The following FNBP4 variants were observed in gnomAD, a reference collection of about 807,000 sequenced individuals.
FNBP4 encodes the protein formin binding protein 4.
In FNBP4, 34 loss-of-function variants were observed where a neutral mutation model predicts 119.3. That is an observed-to-expected ratio of 0.28 (90% CI 0.22 to 0.38). FNBP4 has a LOEUF of 0.38. FNBP4 is among the 10% of genes least tolerant of loss of function. FNBP4 has a pLI of 1.00. For synonymous variants in FNBP4, 462 were observed against 430.6 expected (o/e 1.07, Z -0.90); for missense variants, 1,112 against 1,228.9 (o/e 0.90, Z 1.42).
intron 1 of FNBP4, among the ~76,000 whole-genome samples, chr11:47,766,501 C>T (rs2097648002): frequency 6.6e-6 from 1 of 152,180 alleles, no homozygotes; most frequent in Non-Finnish European, 1.5e-5. Flanking sequence ...GCGGCTTCTC[C>T]GGCGCCTAGT....
Position 47,746,086 on chromosome 11 carries a change from A to G in FNBP4, c.1215T>C (p.Leu405=). The G allele has an allele frequency of 6.2e-7, 1 of 1,602,902 alleles. No homozygotes were observed. The highest frequency in any genetic ancestry group is 8.5e-7 in the Non-Finnish European group (1 of 1,177,338). The change falls in exon 7 of 17, where the codon CTT becomes CTC. Residue 405 remains leucine (L), a synonymous_variant. Transcript: ENST00000263773. The part of the protein sequence containing the change: ...ESEEEEEQDT[L]ELELVLERKK... ...TCCTTTCCAAAACTAGCTCCAGTTC[A>G]AGGGTATCTTGTTCCTCTTCCTCCT...
intron 6 of FNBP4, among the ~76,000 whole-genome samples, chr11:47,746,658 G>T (rs1455475356): frequency 6.6e-6 from 1 of 152,008 alleles, no homozygotes; most frequent in African/African-American, 2.4e-5. Context: ...GGGATTACAG[G>T]CGCCCGCCAC....
At chr11:47,743,616 C>A (rs938627454) in intron 8 of FNBP4, among the ~76,000 whole-genome samples, 1 of 152,094 alleles carries the variant, frequency 6.6e-6, no homozygotes, top group Non-Finnish European at 1.5e-5. Flanking sequence ...ATGATAAGGT[C>A]CTTATTACCT....
chr11:47,754,754 A>G (rs886779161), intron 2 of FNBP4, 90 bp from the exon 3 acceptor site: 14 of 1,420,192 alleles, frequency 9.9e-6, no homozygotes, highest in African/African-American at 1.4e-5. Flanking sequence ...TGTTTTTTTT[A>G]AACTTACTTA....
chr11:47,739,927 C>T (rs780390374), intron 8 of FNBP4, among the ~76,000 whole-genome samples: 2 of 149,934 alleles, frequency 1.3e-5, no homozygotes, highest in African/African-American at 2.5e-5. Flanking sequence ...TACAGGCATG[C>T]GCCACCACGC....
At position 47,731,559 on chromosome 11, in the gene FNBP4, T is replaced by G; in HGVS notation, c.1823A>C (p.Asp608Ala). The stretch of plus-strand genomic sequence containing the variant: ...GTTTACATAGAAATACCGTCTATGA[T>G]CCCTAAATTACAAGAAAGAAAACAC... ...PKGWSCHWDR[D>A]HRRYFYVNEQ... The change falls in exon 12 of 17, where the codon GAT becomes GCT. Residue 608 changes from aspartate to alanine, a missense_variant and splice_region_variant. Coordinates refer to ENST00000263773, the MANE Select transcript of FNBP4 (RefSeq NM_015308.5). The G allele has an allele frequency of 6.3e-7, 1 of 1,599,076 alleles. No individual in the cohort carries two copies. Among genetic ancestry groups the G allele is most frequent in the East Asian group, 2.2e-5 (1 of 44,630 alleles).
intron 12 of FNBP4, among the ~76,000 whole-genome samples, chr11:47,727,251 C>CTTTTTTTTTT (rs56258205): frequency 1.4e-5 from 2 of 137,942 alleles, no homozygotes; most frequent in Non-Finnish European, 1.6e-5. Flanking sequence ...TACTTTTCTT[C>CTTTTTTTTTT]TTTTTTTTTT....
rs2097574289 is a variant in FNBP4 at position 47,736,464 on chromosome 11, G to A, written c.1581+152C>T. 2.3e-5 allele frequency: 12 copies of A among 527,150 alleles called. 1 individual carries two copies. In the South Asian group the frequency reaches 2.5e-4, roughly 11 times the overall value. 32.7% of individuals were successfully genotyped at this position (527,150 alleles called of 1,614,324 possible). A position where few individuals can be genotyped will look rare whatever the true frequency, so the allele number is the denominator to read the frequency against. ...CCAGCTACTGGGGAGGCTGAAGCAGGAGAATGGCTTGAACCCAGGAGGCAG... is the reference window on the plus strand; with the variant it reads ...CCAGCTACTGGGGAGGCTGAAGCAGAAGAATGGCTTGAACCCAGGAGGCAG... On this transcript the variant is annotated intron_variant, in intron 9 of 16. Transcript: ENST00000263773.
intron 2 of FNBP4, among the ~76,000 whole-genome samples, chr11:47,755,172 G>A (rs2097614136): frequency 1.3e-5 from 2 of 149,978 alleles, no homozygotes; most frequent in African/African-American, 4.9e-5. Flanking sequence ...GATCTGGGCT[G>A]GGCATGGTGG....
chr11:47,754,609 A>C lies in FNBP4; in HGVS notation c.369T>G (p.Val123=), dbSNP rs1427853585. The C allele has an allele frequency of 5.6e-6, 9 of 1,614,054 alleles. No homozygotes were observed. Among genetic ancestry groups the C allele is most frequent in the Non-Finnish European group, 7.6e-6 (9 of 1,180,036 alleles). Residue 123 remains valine, a synonymous_variant, in exon 3 of 17, where the codon GTT becomes GTG. Transcript: ENST00000263773. The part of the protein sequence containing the change: ...YADSDDDDND[V]SEKLAQSKET... ...CTTTGGATTGTGCTAGTTTTTCGGA[A>C]ACATCATTGTCATCGTCATCACTGT...
At chr11:47,741,810 G>A (rs1331431077) in intron 8 of FNBP4, among the ~76,000 whole-genome samples, 9 of 42,494 alleles carry the variant, frequency 2.1e-4, no homozygotes, top group South Asian at 1.1e-3. Context: ...GTAAGACTCC[G>A]TCTCAAAAAA....
chr11:47,719,370 T>G (rs1015631247), intron 16 of FNBP4, among the ~76,000 whole-genome samples: 6 of 152,174 alleles, frequency 3.9e-5, no homozygotes, highest in African/African-American at 1.4e-4. Context: ...TAGTTCCTAG[T>G]GTGGTGTGCT....
At chr11:47,723,538 A>G (rs2097558005) in intron 14 of FNBP4, among the ~76,000 whole-genome samples, 1 of 152,178 alleles carries the variant, frequency 6.6e-6, no homozygotes, top group Non-Finnish European at 1.5e-5. Context: ...AATATACAAG[A>G]CAATCTGGAA....
intron 12 of FNBP4, among the ~76,000 whole-genome samples, chr11:47,727,273 G>A (rs1018315271): frequency 2.3e-5 from 3 of 131,950 alleles, no homozygotes; most frequent in East Asian, 2.2e-4. Flanking sequence ...TTTTTGTGAC[G>A]GAGTCTCACT....
At chr11:47,729,245 A>G in intron 12 of FNBP4, 1 of 985,360 alleles carries the variant, frequency 1.0e-6, no homozygotes, top group Non-Finnish European at 1.2e-6. Flanking sequence ...AGCTCAGTTT[A>G]GCAATTTAAA....
intron 7 of FNBP4, 94 bp downstream of exon 7, chr11:47,745,962 C>G (rs987887375): frequency 2.0e-5 from 23 of 1,159,728 alleles, no homozygotes; most frequent in Non-Finnish European, 2.7e-5. Flanking sequence ...ATAAGAAAAA[C>G]AAAATCCCAA....
chr11:47,762,949 T>A (rs931676369), intron 2 of FNBP4, among the ~76,000 whole-genome samples: 25 of 144,108 alleles, frequency 1.7e-4, no homozygotes, highest in Admixed American at 5.7e-4. Context: ...CTGCCTAGGC[T>A]GCTCTTGAAC....
rs1386220979 is a variant in FNBP4 at position 47,743,982 on chromosome 11, C to T, written c.1427G>A (p.Gly476Glu). ...ESTSRSSSKT[G>E]RDTPENGETA... ...TTCTCCATTTTCTGGAGTATCTCGT[C>T]CAGTTTTACTAGAACTCCTACTGGT... is the stretch of plus-strand genomic sequence containing the variant. The change falls in exon 8 of 17, where the codon GGA becomes GAA. Residue 476 changes from glycine (G) to glutamate (E), a missense_variant. Gly to Glu is a moderately conservative substitution (Grantham distance 98, BLOSUM62 -2). This residue lies in a region of FNBP4 where 826 missense variants were observed against 988.8 expected (regional missense o/e 0.84). Transcript: ENST00000263773. 8.7e-6 allele frequency: 14 copies of T among 1,614,054 alleles called. No homozygotes were observed. The highest frequency in any genetic ancestry group is 1.2e-5 in the Non-Finnish European group (14 of 1,180,026).
intron 1 of FNBP4, 101 bp downstream of exon 1, chr11:47,766,968 G>A (rs1234826965): frequency 7.1e-7 from 1 of 1,400,906 alleles, no homozygotes; most frequent in Non-Finnish European, 9.2e-7. Flanking sequence ...GGCCTCGGAA[G>A]CCGACCTCGC....
Sources: gnomAD v4.1 joint callset for allele counts (sites outside exome capture counted in the v4.1 genomes callset) on GRCh38, gnomAD v4.1.1 for gene constraint, gnomAD v4.1.1 regional missense constraint, MANE v1.5 for transcripts, NCBI Gene and HGNC (gene_info 2026-07-23, HGNC 2026-07-21) for gene names.